CDH13: variants seen among roughly 807,000 people sequenced by gnomAD.
The protein encoded by CDH13 is cadherin-13.
Under a neutral mutation model 63.8 loss-of-function variants are expected in CDH13, and 24 were observed. The ratio of observed to expected loss-of-function variants is 0.38; its 90% confidence interval spans 0.27 to 0.53. The LOEUF is 0.53. CDH13 is among the 20% of genes least tolerant of loss of function. CDH13 has a pLI of 0.85. For missense variants in CDH13, 1,049 were observed against 903.1 expected (o/e 1.16, Z -2.07); for synonymous variants, 503 against 355.3 (o/e 1.42, Z -4.67).
chr16:82,685,047 C>T (rs1222207622), intron 1 of CDH13, among the ~76,000 whole-genome samples: 1 of 151,456 alleles, frequency 6.6e-6, no homozygotes, highest in Non-Finnish European at 1.5e-5. Context: ...GTGTGTCTGG[C>T]CGGTAAACCT....
intron 1 of CDH13, among the ~76,000 whole-genome samples, chr16:82,777,673 G>T (rs1396225410): frequency 1.3e-5 from 2 of 152,204 alleles, no homozygotes; most frequent in Non-Finnish European, 2.9e-5. Context: ...CAGCTTAGCT[G>T]GGTCTTTGGG....
intron 5 of CDH13, among the ~76,000 whole-genome samples, chr16:83,335,911 C>T (rs2090584360): frequency 6.6e-6 from 1 of 152,076 alleles, no homozygotes; most frequent in Admixed American, 6.5e-5. Context: ...CTTGCCGATG[C>T]CCCCGGCTGA....
At chr16:83,194,141 A>G (rs2038806211) in intron 4 of CDH13, among the ~76,000 whole-genome samples, 1 of 152,194 alleles carries the variant, frequency 6.6e-6, no homozygotes, top group South Asian at 2.1e-4. Context: ...GGTTTTTCTA[A>G]ATTATATAAT....
At chr16:83,344,801 T>C in intron 5 of CDH13, 61 bp from the exon 6 acceptor site, 1 of 1,577,892 alleles carries the variant, frequency 6.3e-7, no homozygotes, top group Non-Finnish European at 8.7e-7. Flanking sequence ...TAGAGAACCT[T>C]ATTTGAATTT....
chr16:83,583,181 C>T (rs1415086248), intron 7 of CDH13, among the ~76,000 whole-genome samples: 1 of 152,184 alleles, frequency 6.6e-6, no homozygotes. Flanking sequence ...CATCTTCTGT[C>T]TCCTATAAGG....
chr16:83,021,190 C>T (rs1038114725), intron 2 of CDH13, among the ~76,000 whole-genome samples: 1 of 152,164 alleles, frequency 6.6e-6, no homozygotes, highest in African/African-American at 2.4e-5. Flanking sequence ...TGAGTTGATG[C>T]CATCATTCTC....
At chr16:83,141,332 T>C (rs2036520276) in intron 4 of CDH13, among the ~76,000 whole-genome samples, 1 of 152,220 alleles carries the variant, frequency 6.6e-6, no homozygotes, top group Non-Finnish European at 1.5e-5. Flanking sequence ...GTCCTAGGAA[T>C]GGCTGCCCTG....
intron 4 of CDH13, among the ~76,000 whole-genome samples, chr16:83,200,921 A>ATGTG (rs374017580): frequency 0.069 from 8,974 of 129,536 alleles, 390 homozygotes; most frequent in Middle Eastern, 0.091. Context: ...AGTCTTAAAA[A>ATGTG]TGTGTGTGTG....
intron 8 of CDH13, among the ~76,000 whole-genome samples, chr16:83,628,057 A>T (rs561584280): frequency 1.7e-4 from 26 of 152,198 alleles, no homozygotes; most frequent in African/African-American, 5.5e-4. Flanking sequence ...TCTCATCGCC[A>T]TCTTGGTTTT....
At chr16:83,631,525 C>A (rs1910778555) in intron 8 of CDH13, among the ~76,000 whole-genome samples, 1 of 152,084 alleles carries the variant, frequency 6.6e-6, no homozygotes, top group African/African-American at 2.4e-5. Flanking sequence ...GGAAGATCCA[C>A]AGCAAAATGA....
At chr16:82,704,987 C>T in intron 1 of CDH13, 1 of 362,752 alleles carries the variant, frequency 2.8e-6, no homozygotes, top group Non-Finnish European at 5.4e-6. Flanking sequence ...TTGCTGCTGC[C>T]TCATGAGGAA....
At chr16:83,325,505 T>C (rs921353690) in intron 5 of CDH13, among the ~76,000 whole-genome samples, 2 of 152,174 alleles carry the variant, frequency 1.3e-5, no homozygotes, top group Non-Finnish European at 2.9e-5. Flanking sequence ...TGCAGACCCT[T>C]TCTGCTGTTA....
chr16:82,801,608 G>A (rs971338220), intron 1 of CDH13, among the ~76,000 whole-genome samples: 2 of 152,186 alleles, frequency 1.3e-5, no homozygotes, highest in Non-Finnish European at 2.9e-5. Context: ...GAGGAGTCAG[G>A]CACAAAATTC....
At chr16:83,504,919 AG>A (rs2074362044) in intron 7 of CDH13, among the ~76,000 whole-genome samples, 1 of 152,200 alleles carries the variant, frequency 6.6e-6, no homozygotes, top group African/African-American at 2.4e-5. Flanking sequence ...TATTTTTTAA[AG>A]TCTGCCTCAA....
At chr16:83,555,637 A>G (rs539169520) in intron 7 of CDH13, among the ~76,000 whole-genome samples, 1 of 152,350 alleles carries the variant, frequency 6.6e-6, no homozygotes, top group African/African-American at 2.4e-5. Context: ...AAACCAATTG[A>G]TAAGCCCAAG....
chr16:82,873,415 C>G (rs7201088), intron 2 of CDH13, among the ~76,000 whole-genome samples: 114,683 of 152,100 alleles, frequency 0.75, 43,534 homozygotes, highest in East Asian at 0.88. Flanking sequence ...ATATGGAATG[C>G]TGTAGCTGGT....
At chr16:82,872,555 A>G (rs2040375638) in intron 2 of CDH13, among the ~76,000 whole-genome samples, 1 of 152,248 alleles carries the variant, frequency 6.6e-6, no homozygotes, top group Non-Finnish European at 1.5e-5. Flanking sequence ...TAGGCTGAGA[A>G]AGCAGAAGTT....
At chr16:83,312,012 G>A (rs1432395667) in intron 5 of CDH13, among the ~76,000 whole-genome samples, 1 of 144,286 alleles carries the variant, frequency 6.9e-6, no homozygotes, top group East Asian at 2.0e-4. Flanking sequence ...GGCGGAAGTT[G>A]CAGTGAGCTG....
chr16:83,001,534 C>T (rs534562238), intron 2 of CDH13, among the ~76,000 whole-genome samples: 9 of 152,324 alleles, frequency 5.9e-5, no homozygotes, highest in Admixed American at 3.3e-4. Context: ...AGGGAGCTGC[C>T]ACTTTCATTT....
Sources: allele counts gnomAD v4.1 joint callset (sites outside exome capture counted in the v4.1 genomes callset), GRCh38; gene constraint gnomAD v4.1.1; transcripts MANE v1.5; gene names NCBI Gene and HGNC (gene_info 2026-07-23, HGNC 2026-07-21).